Variants in KCNH6 observed in about 807,000 individuals in gnomAD.
The protein encoded by KCNH6 is voltage-gated inwardly rectifying potassium channel KCNH6.
Under a neutral mutation model 83.4 loss-of-function variants are expected in KCNH6, and 81 were observed. The ratio of observed to expected loss-of-function variants is 0.97; its 90% CI spans 0.81 to 1.17. The LOEUF is 1.17. Among genes scored for constraint, KCNH6 ranks in the 50% most tolerant of loss-of-function variants. KCNH6 has a pLI of 0.00. For missense variants in KCNH6, 1,203 were observed against 1,290.5 expected (o/e 0.93, Z 1.04); for synonymous variants, 503 against 545.6 (o/e 0.92, Z 1.09).
Position 63,534,053 on chromosome 17 carries a change from G to C in KCNH6, c.843G>C (p.Leu281=), listed in dbSNP as rs1400475485. The change falls in exon 5 of 13, where the codon CTG becomes CTC. Residue 281 remains leucine (L), a synonymous_variant. Coordinates refer to ENST00000314672, the MANE Select transcript of KCNH6 (RefSeq NM_001278919.2). The surrounding 1 kb of genome is among the most constrained non-coding windows in gnomAD (Gnocchi z 5.0). ...AVFTPYSAAF[L]LSDQDESRRG... ...TCACGCCCTACTCAGCCGCCTTCCT[G>C]CTCAGCGATCAGGACGAATCACGGC... 3.1e-6 allele frequency: 5 copies of C among 1,614,172 alleles called. No homozygotes were observed. In the South Asian group the frequency reaches 5.5e-5, roughly 18 times the overall value.
rs546349906 is a variant in KCNH6, at chr17:63,527,178, G to A, written c.307+2809G>A. The stretch of plus-strand genomic sequence containing the variant: ...TCAGAGGAGTCCTGGGACTTCTCCA[G>A]TCCTCAGCTCTTGATGAGGAGGATG... On this transcript the variant is annotated intron_variant, in intron 2 of 12. Coordinates refer to ENST00000314672, the MANE Select transcript of KCNH6 (RefSeq NM_001278919.2). Among the ~76,000 whole-genome samples the A allele has an allele frequency of 2.6e-5, 4 of 152,296 alleles. No homozygotes were observed. In the South Asian group the frequency reaches 8.3e-4, roughly 32 times the overall value.
At position 63,544,433 on chromosome 17, in the gene KCNH6, C is replaced by A. The variant is rs1452259758; in HGVS notation, c.2396+22C>A. The A allele has an allele frequency of 2.4e-5, 36 of 1,500,846 alleles. No individual in the cohort carries two copies. In the South Asian group the frequency reaches 4.0e-4, roughly 17 times the overall value. 93.0% of individuals were successfully genotyped at this position (1,500,846 alleles called of 1,614,324 possible). ...ACAGGTGTGTGTGCTGTGGTCAGGG[C>A]TGGGGGCTGGTCATGGGTAGCCCCT... On this transcript the variant is annotated intron_variant, in intron 11 of 12. Coordinates refer to ENST00000314672, the MANE Select transcript of KCNH6 (RefSeq NM_001278919.2).
Position 63,538,401 on chromosome 17 carries a change from G to C in KCNH6, c.1702-9G>C. On this transcript the variant is annotated splice_polypyrimidine_tract_variant and intron_variant, in intron 7 of 12. Transcript: ENST00000314672. This position sits in a 1 kb window ranked among gnomAD's most constrained non-coding sequence, Gnocchi z 4.0. ...CGCGTCCCGCTGGACTTGGCCGCCC[G>C]CCTTGCAGGTGCTGAAGGGCTTCCC... 6.3e-7 allele frequency: 1 copy of C among 1,591,306 alleles called. No individual in the cohort carries two copies. Among genetic ancestry groups the C allele is most frequent in the South Asian group, 1.1e-5 (1 of 88,200 alleles).
rs140150959 is a variant in KCNH6 at position 63,530,223 on chromosome 17, G to A, written c.440G>A (p.Arg147His). Residue 147 changes from arginine to histidine, a missense_variant, in exon 3 of 13, where the codon CGC becomes CAC. Transcript: ENST00000314672. ...TGCAGCAGCCGCAGCTTGTCCCAGC[G>A]CCTGTTGTCCCAGAGCTTCCTGGGC... Reference protein sequence around the residue: ...AKCSSRSLSQRLLSQSFLGSE... With the variant: ...AKCSSRSLSQHLLSQSFLGSE... 1.7e-5 allele frequency: 28 copies of A among 1,614,150 alleles called. No homozygotes were observed. The highest frequency in any genetic ancestry group is 1.6e-4 in the African/African-American group (12 of 75,066).
At chr17:63,544,455 C>T in intron 11 of KCNH6, 44 bp downstream of exon 11, 2 of 1,452,432 alleles carry the variant, frequency 1.4e-6, no homozygotes, top group South Asian at 1.5e-5. Flanking sequence ...CATGGGTAGC[C>T]CCTCCTAGTG....
Position 63,533,551 on chromosome 17 carries a change from C to A in KCNH6, c.676-335C>A, listed in dbSNP as rs546410612. On this transcript the variant is annotated intron_variant, in intron 4 of 12. Transcript: ENST00000314672. The surrounding 1 kb of genome is among the most constrained non-coding windows in gnomAD (Gnocchi z 4.1). ...TTGTGTGGAATGGGTCTATAGATGT[C>A]CATGGGCCTGGCCCTCCCCTGCCTG... Among the ~76,000 whole-genome samples the A allele has an allele frequency of 1.8e-4, 27 of 152,230 alleles. No individual in the cohort carries two copies. The highest frequency in any genetic ancestry group is 6.5e-4 in the African/African-American group (27 of 41,530).
At chr17:63,539,189 G>A (rs2032719732) in intron 8 of KCNH6, among the ~76,000 whole-genome samples, 1 of 152,158 alleles carries the variant, frequency 6.6e-6, no homozygotes, top group African/African-American at 2.4e-5. Flanking sequence ...GCCTCTCTGA[G>A]CATCACAGGG....
At position 63,532,492 on chromosome 17, in the gene KCNH6, G is replaced by C. The variant is rs551009086; in HGVS notation, c.676-1394G>C. On this transcript the variant is annotated intron_variant, in intron 4 of 12. Transcript: ENST00000314672. The stretch of plus-strand genomic sequence containing the variant: ...ACCATGCAGCTAGGTGGATACAGGG[G>C]CAGGGAGAAAATAAAAAAAGAGCCC... Among the ~76,000 whole-genome samples the C allele has an allele frequency of 2.6e-5, 4 of 152,310 alleles. No homozygotes were observed. The South Asian group carries it at 6.2e-4, about 24-fold the overall frequency.
downstream of KCNH6, among the ~76,000 whole-genome samples, chr17:63,547,232 A>G (rs1034302032): frequency 3.9e-5 from 6 of 151,964 alleles, no homozygotes; most frequent in Non-Finnish European, 8.8e-5. Context: ...TTAAAAAGAA[A>G]ATAAAAATAA....
chr17:63,534,039 T>C lies in KCNH6; in HGVS notation c.829T>C (p.Ser277Pro), dbSNP rs764103094. 27 of 1,614,168 alleles carry C rather than the reference T, an allele frequency of 1.7e-5. No homozygotes were observed. Among genetic ancestry groups the C allele is most frequent in the Non-Finnish European group, 2.2e-5 (26 of 1,180,016 alleles). The change falls in exon 5 of 13, where the codon TCA becomes CCA. Residue 277 changes from serine (S) to proline (P), a missense_variant. Coordinates refer to ENST00000314672, the MANE Select transcript of KCNH6 (RefSeq NM_001278919.2). This position sits in a 1 kb window ranked among gnomAD's most constrained non-coding sequence, Gnocchi z 5.0. ...CTACACGGCTGTCTTCACGCCCTAC[T>C]CAGCCGCCTTCCTGCTCAGCGATCA... The part of the protein sequence containing the change: ...VIYTAVFTPY[S>P]AAFLLSDQDE...
chr17:63,543,341 G>A (rs2032973419), intron 9 of KCNH6, among the ~76,000 whole-genome samples: 1 of 151,940 alleles, frequency 6.6e-6, no homozygotes, highest in Admixed American at 6.5e-5. Context: ...TCTGCCCTCG[G>A]CCCCCAGCCA....
intron 8 of KCNH6, among the ~76,000 whole-genome samples, chr17:63,542,035 G>T (rs191064500): frequency 1.3e-5 from 2 of 152,092 alleles, no homozygotes; most frequent in African/African-American, 2.4e-5. Context: ...TCTCTGTGCC[G>T]CTCAAAGGAC....
In KCNH6 at chr17:63,538,245, A is replaced by C. The variant is rs768962274; in HGVS notation, c.1682A>C (p.Asn561Thr). Residue 561 changes from asparagine (N) to threonine (T), a missense_variant, in exon 7 of 13, where the codon AAT becomes ACT. Asn to Thr is a moderately conservative substitution (Grantham distance 65, BLOSUM62 0). Coordinates refer to ENST00000314672, the MANE Select transcript of KCNH6 (RefSeq NM_001278919.2). The surrounding 1 kb of genome is among the most constrained non-coding windows in gnomAD (Gnocchi z 4.0). ...TTCCAGCACGCCTGGTCCTACACCAATGGCATTGACATGAACGCGGTGAGC... is the reference window on the plus strand; with the variant it reads ...TTCCAGCACGCCTGGTCCTACACCACTGGCATTGACATGAACGCGGTGAGC... The part of the protein sequence containing the change: ...EYFQHAWSYT[N>T]GIDMNAVLKG... 62 of 1,613,972 alleles carry C rather than the reference A, an allele frequency of 3.8e-5. No individual in the cohort carries two copies. The highest frequency in any genetic ancestry group is 4.9e-5 in the Non-Finnish European group (58 of 1,180,002).
In KCNH6 at chr17:63,524,335, G is replaced by A. The variant is rs770522524; in HGVS notation, c.273G>A (p.Glu91=). The A allele has an allele frequency of 1.9e-6, 3 of 1,613,846 alleles. No individual in the cohort carries two copies. In the East Asian group the frequency reaches 6.7e-5, roughly 36 times the overall value. Reference sequence around the variant, plus strand: ...CGCAGGCCCTGCTGGGGGCTGAGGAGTGCAAGGTGGACATCCTCTACTACC... The same window carrying A: ...CGCAGGCCCTGCTGGGGGCTGAGGAATGCAAGGTGGACATCCTCTACTACC... ...RLAQALLGAE[E]CKVDILYYRK... is the part of the protein sequence containing the mutation. Residue 91 remains glutamate (E), a synonymous_variant, in exon 2 of 13, where the codon GAG becomes GAA. Transcript: ENST00000314672.
At chr17:63,547,702 C>T (rs1342486420), downstream of KCNH6, among the ~76,000 whole-genome samples, 1 of 152,066 alleles carries the variant, frequency 6.6e-6, no homozygotes, top group Non-Finnish European at 1.5e-5. Context: ...GTAATCCCAA[C>T]ACTTTGGGAG....
chr17:63,530,305 G>C, intron 3 of KCNH6, 32 bp from the exon 4 acceptor site: 1 of 1,614,074 alleles, frequency 6.2e-7, no homozygotes, highest in Non-Finnish European at 8.5e-7. Context: ...TCCCCTGGCC[G>C]TGGCTGCTCT....
rs1248148162 is a variant in KCNH6, at chr17:63,545,941, G to A, written c.*39G>A. 2.5e-6 allele frequency: 4 copies of A among 1,595,264 alleles called. No homozygotes were observed. The highest frequency in any genetic ancestry group is 1.3e-5 in the African/African-American group (1 of 74,546). Reference sequence around the variant, plus strand: ...GACACCATGAGGGGACTGAAGGTGGGCAAGGTGAGAGTTAAGGATCTTGGG... The same window carrying A: ...GACACCATGAGGGGACTGAAGGTGGACAAGGTGAGAGTTAAGGATCTTGGG... On this transcript the variant is annotated 3_prime_UTR_variant, in exon 13 of 13. Coordinates refer to ENST00000314672, the MANE Select transcript of KCNH6 (RefSeq NM_001278919.2).
chr17:63,536,185 C>A, intron 6 of KCNH6, 117 bp downstream of exon 6: 1 of 937,448 alleles, frequency 1.1e-6, no homozygotes, highest in Non-Finnish European at 1.6e-6. Flanking sequence ...ATGCAGTACA[C>A]TGATCCTAAG....
Position 63,538,193 on chromosome 17 carries a change from C to A in KCNH6, c.1630C>A (p.Pro544Thr), listed in dbSNP as rs1309811792. 1 of 1,614,180 alleles carries A rather than the reference C, an allele frequency of 6.2e-7. No homozygotes were observed. Among genetic ancestry groups the A allele is most frequent in the South Asian group, 1.1e-5 (1 of 91,090 alleles). ...EFIRFHQIPN[P>T]LRQRLEEYFQ... ...CATCCGCTTCCACCAGATCCCCAAC[C>A]CACTGCGCCAGCGCCTGGAGGAGTA... Residue 544 changes from proline to threonine, a missense_variant, in exon 7 of 13, where the codon CCA (proline) becomes ACA (threonine). Coordinates refer to ENST00000314672, the MANE Select transcript of KCNH6 (RefSeq NM_001278919.2). The surrounding 1 kb of genome is among the most constrained non-coding windows in gnomAD (Gnocchi z 4.0).
Sources: allele counts gnomAD v4.1 joint callset (sites outside exome capture counted in the v4.1 genomes callset), GRCh38; gene constraint gnomAD v4.1.1; non-coding constraint Gnocchi (gnomAD v3.1); transcripts MANE v1.5; gene names NCBI Gene and HGNC (gene_info 2026-07-23, HGNC 2026-07-21).